BAAT: variants seen among roughly 807,000 people sequenced by gnomAD.
BAAT encodes bile acid CoA: amino acid N-acyltransferase (glycine N-choloyltransferase).
Under a neutral mutation model 18.9 loss-of-function variants are expected in BAAT, and 13 were observed. The ratio of observed to expected loss-of-function variants is 0.69; its 90% CI spans 0.45 to 1.10. The LOEUF (loss-of-function observed/expected upper bound fraction) is 1.10. BAAT is among the 50% of genes least tolerant of loss of function. The pLI, the probability that BAAT is intolerant of heterozygous loss-of-function variation, is 0.00. For missense variants in BAAT, 489 were observed against 504.0 expected (o/e 0.97, Z 0.28); for synonymous variants, 170 against 190.7 (o/e 0.89, Z 0.89).
intron 1 of BAAT, among the ~76,000 whole-genome samples, chr9:101,373,295 G>A (rs927282089): frequency 1.4e-4 from 21 of 152,114 alleles, no homozygotes; most frequent in Non-Finnish European, 2.5e-4. Context: ...AAAAAATAAT[G>A]TGATCATGTC....
intron 1 of BAAT, among the ~76,000 whole-genome samples, chr9:101,374,470 T>C (rs957971557): frequency 1.3e-5 from 2 of 152,190 alleles, no homozygotes; most frequent in South Asian, 2.1e-4. Flanking sequence ...GTTTCAGATA[T>C]TTTCATAAAT....
chr9:101,371,077 A>G lies in BAAT; in HGVS notation c.328T>C (p.Leu110=), dbSNP rs759519258. Residue 110 remains leucine, a synonymous_variant, in exon 2 of 4, where the codon TTA becomes CTA. Transcript: ENST00000259407. The part of the protein sequence containing the change: ...PFQVQVKLYD[L]ELIVNNKVAS... ...ACTTTATTGTTCACTATTAACTCTAAGTCATAAAGTTTTACTTGGACCTGG... is the reference window on the plus strand; with the variant it reads ...ACTTTATTGTTCACTATTAACTCTAGGTCATAAAGTTTTACTTGGACCTGG... 1 of 1,614,072 alleles carries G rather than the reference A, an allele frequency of 6.2e-7. No individual in the cohort carries two copies. The highest frequency in any genetic ancestry group is 1.1e-5 in the South Asian group (1 of 91,084).
intron 1 of BAAT, among the ~76,000 whole-genome samples, chr9:101,372,587 T>C (rs1829971562): frequency 6.6e-6 from 1 of 151,004 alleles, no homozygotes; most frequent in Admixed American, 6.6e-5. Context: ...AACACAACTA[T>C]CTGCATAAAC....
intron 1 of BAAT, among the ~76,000 whole-genome samples, chr9:101,383,672 T>C (rs1830163639): frequency 6.6e-6 from 1 of 152,338 alleles, no homozygotes; most frequent in South Asian, 2.1e-4. Context: ...AATGTATCAC[T>C]ATTTTCCCTC....
intron 2 of BAAT, among the ~76,000 whole-genome samples, chr9:101,369,965 T>C (rs1240666856): frequency 6.6e-6 from 1 of 152,190 alleles, no homozygotes; most frequent in African/African-American, 2.4e-5. Flanking sequence ...ATTATTAGAT[T>C]CATGGAATAG....
In BAAT at chr9:101,362,774, A is replaced by G. The variant is rs61755096; in HGVS notation, c.911T>C (p.Val304Ala). The part of the protein sequence containing the change: ...ELYRTFETTQ[V>A]GASQYLFPIE... Reference sequence around the variant, plus strand: ...AGGAAACAAATATTGACTGGCCCCAACTTGAGTTGTCTCAAAAGTGCGATA... The same window carrying G: ...AGGAAACAAATATTGACTGGCCCCAGCTTGAGTTGTCTCAAAAGTGCGATA... Residue 304 changes from valine (V) to alanine (A), a missense_variant, in exon 4 of 4, where the codon GTT becomes GCT. Transcript: ENST00000259407. 43,454 of 1,614,172 alleles carry G rather than the reference A, an allele frequency of 0.027. 793 individuals carry two copies. The highest frequency in any genetic ancestry group is 0.046 in the Middle Eastern group (278 of 6,062).
At chr9:101,379,723 G>A (rs1830101730) in intron 1 of BAAT, among the ~76,000 whole-genome samples, 2 of 152,136 alleles carry the variant, frequency 1.3e-5, no homozygotes, top group Non-Finnish European at 2.9e-5. Flanking sequence ...TTATTTTGTG[G>A]CTACAAGAAG....
intron 1 of BAAT, among the ~76,000 whole-genome samples, chr9:101,372,824 A>G (rs902277321): frequency 6.6e-6 from 1 of 152,210 alleles, no homozygotes; most frequent in Non-Finnish European, 1.5e-5. Context: ...ATAAGGAGAA[A>G]TCAACAGAAA....
intron 2 of BAAT, among the ~76,000 whole-genome samples, chr9:101,368,840 G>A (rs893303339): frequency 1.3e-5 from 2 of 152,080 alleles, no homozygotes; most frequent in Non-Finnish European, 2.9e-5. Context: ...ACTTATGAGA[G>A]GTTCCACAGA....
intron 1 of BAAT, among the ~76,000 whole-genome samples, chr9:101,373,210 T>C (rs1193758857): frequency 6.6e-6 from 1 of 152,164 alleles, no homozygotes; most frequent in Non-Finnish European, 1.5e-5. Context: ...GCATTGTTTC[T>C]GGACCAAATA....
intron 1 of BAAT, among the ~76,000 whole-genome samples, chr9:101,380,396 C>G (rs1253233692): frequency 6.6e-6 from 1 of 152,082 alleles, no homozygotes; most frequent in Non-Finnish European, 1.5e-5. Context: ...TTTGTAAGCC[C>G]CTATTAAATG....
At chr9:101,382,582 C>T (rs1830149534) in intron 1 of BAAT, among the ~76,000 whole-genome samples, 1 of 152,140 alleles carries the variant, frequency 6.6e-6, no homozygotes, top group Non-Finnish European at 1.5e-5. Flanking sequence ...AGTGTGTTTT[C>T]CTTTCTTTCC....
At chr9:101,369,895 A>T (rs772446302) in intron 2 of BAAT, among the ~76,000 whole-genome samples, 36 of 152,078 alleles carry the variant, frequency 2.4e-4, no homozygotes, top group Non-Finnish European at 4.3e-4. Flanking sequence ...GTATTTGGAG[A>T]TTTCTGTGGG....
At chr9:101,382,266 G>A (rs1830145489) in intron 1 of BAAT, among the ~76,000 whole-genome samples, 1 of 152,110 alleles carries the variant, frequency 6.6e-6, no homozygotes, top group Non-Finnish European at 1.5e-5. Context: ...TCAGGAACTG[G>A]GCGAATGAGC....
chr9:101,378,763 A>G (rs943352273), intron 1 of BAAT, among the ~76,000 whole-genome samples: 4 of 152,224 alleles, frequency 2.6e-5, no homozygotes, highest in Admixed American at 1.3e-4. Flanking sequence ...TCTGTTCAGC[A>G]AAAGAAACTA....
intron 1 of BAAT, among the ~76,000 whole-genome samples, chr9:101,379,397 T>C (rs1368786181): frequency 6.6e-6 from 1 of 152,194 alleles, no homozygotes; most frequent in Non-Finnish European, 1.5e-5. Context: ...TGATGGCAAA[T>C]CCCTGGCTTT....
intron 1 of BAAT, among the ~76,000 whole-genome samples, chr9:101,379,026 A>G (rs1261604352): frequency 6.6e-6 from 1 of 152,258 alleles, no homozygotes; most frequent in Non-Finnish European, 1.5e-5. Context: ...CAAAACCACA[A>G]TGAGATAATA....
chr9:101,371,164 A>G lies in BAAT; in HGVS notation c.241T>C (p.Ser81Pro). The change falls in exon 2 of 4, where the codon TCT (serine) becomes CCT (proline). Residue 81 changes from serine (S) to proline (P), a missense_variant. Ser to Pro is a moderately conservative substitution (Grantham distance 74). Transcript: ENST00000259407. Reference sequence around the variant, plus strand: ...GTTAATAGCTTTTCAGGTTTCAGAGACCAGAAGAGACCCATGGGGTGGACT... The same window carrying G: ...GTTAATAGCTTTTCAGGTTTCAGAGGCCAGAAGAGACCCATGGGGTGGACT... ...MGVHPMGLFW[S>P]LKPEKLLTRL... The G allele has an allele frequency of 6.2e-7, 1 of 1,614,114 alleles. No individual in the cohort carries two copies. Among genetic ancestry groups the G allele is most frequent in the East Asian group, 2.2e-5 (1 of 44,882 alleles).
intron 3 of BAAT, among the ~76,000 whole-genome samples, chr9:101,365,513 T>C (rs1209754197): frequency 6.6e-6 from 1 of 151,956 alleles, no homozygotes; most frequent in African/African-American, 2.4e-5. Flanking sequence ...TTTTTTTAAT[T>C]TTAATTTTAA....
Sources: allele counts gnomAD v4.1 joint callset (sites outside exome capture counted in the v4.1 genomes callset), GRCh38; gene constraint gnomAD v4.1.1; transcripts MANE v1.5; gene names NCBI Gene and HGNC (gene_info 2026-07-23, HGNC 2026-07-21).